The following SCFD2 variants were observed in gnomAD, a reference collection of about 807,000 sequenced individuals.
SCFD2 encodes sec1 family domain-containing protein 2.
SCFD2 carries 54 observed loss-of-function variants against 58.9 expected under a neutral mutation model. That is an observed-to-expected ratio of 0.92 (90% CI 0.74 to 1.15). The LOEUF (loss-of-function observed/expected upper bound fraction) is 1.15. Ranked by LOEUF, SCFD2 falls within the 50% of genes most tolerant of loss-of-function variation. The pLI, the probability that SCFD2 is intolerant of heterozygous loss-of-function variation, is 0.00. For missense variants in SCFD2, 805 were observed against 836.6 expected, an observed-to-expected ratio of 0.96 and a Z score of 0.47; for synonymous variants, 321 against 335.9, an observed-to-expected ratio of 0.96 and a Z score of 0.49.
At chr4:53,221,670 A>T (rs545301128) in intron 4 of SCFD2, among the ~76,000 whole-genome samples, 1 of 152,374 alleles carries the variant, frequency 6.6e-6, no homozygotes, top group South Asian at 2.1e-4. Flanking sequence ...ACCCATAAAA[A>T]TTTCAAATTA....
chr4:53,008,672 T>G (rs1722032325), intron 5 of SCFD2, among the ~76,000 whole-genome samples: 1 of 152,084 alleles, frequency 6.6e-6, no homozygotes, highest in South Asian at 2.1e-4. Context: ...TTCAAAATAA[T>G]GAAAGCTTTC....
At chr4:53,140,392 A>AAAATATATATATAGATATATATATATAT (rs369140110) in intron 5 of SCFD2, among the ~76,000 whole-genome samples, 1 of 97,496 alleles carries the variant, frequency 1.0e-5, no homozygotes, top group African/African-American at 4.2e-5. Context: ...CAAAAATGCT[A>AAAATATATATATAGATATATATATATAT]ATATATATAT....
intron 7 of SCFD2, among the ~76,000 whole-genome samples, chr4:52,894,525 T>A (rs1221568154): frequency 6.6e-6 from 1 of 152,254 alleles, no homozygotes; most frequent in African/African-American, 2.4e-5. Context: ...GGGTAAGGTA[T>A]GTCTTGATTT....
intron 4 of SCFD2, among the ~76,000 whole-genome samples, chr4:53,177,670 G>A (rs922734290): frequency 3.9e-5 from 6 of 152,166 alleles, no homozygotes; most frequent in African/African-American, 1.2e-4. Flanking sequence ...TAGGTGCAGG[G>A]CAGTGGGTGC....
rs191526033 is a variant in SCFD2, at chr4:52,971,447, G to A, written c.1562-50577C>T. Among the ~76,000 whole-genome samples, 442 of 152,246 alleles carry A rather than the reference G, an allele frequency of 2.9e-3. 9 individuals are homozygous for A. The South Asian group carries it at 0.041, about 14-fold the overall frequency. ...GAAAATCAAATGAATGAAATGAAGC[G>A]AGAAGAGAAGATTAGAGAAAAAAGA... On this transcript the variant is annotated intron_variant, in intron 5 of 8. Transcript: ENST00000401642.
intron 4 of SCFD2, among the ~76,000 whole-genome samples, chr4:53,181,710 C>G (rs936112304): frequency 6.6e-6 from 1 of 152,202 alleles, no homozygotes; most frequent in African/African-American, 2.4e-5. Flanking sequence ...AAGAGGAAGT[C>G]AAATTGTCCC....
intron 2 of SCFD2, among the ~76,000 whole-genome samples, chr4:53,335,211 A>AAAAAC (rs1733642355): frequency 1.4e-5 from 2 of 138,580 alleles, no homozygotes; most frequent in Admixed American, 7.4e-5. Flanking sequence ...AAAAAAAAAA[A>AAAAAC]AACAACAAAA....
At chr4:53,324,254 A>G (rs1214392649) in intron 2 of SCFD2, among the ~76,000 whole-genome samples, 1 of 151,798 alleles carries the variant, frequency 6.6e-6, no homozygotes. Context: ...CCATCTCTAC[A>G]AAAAAATTTA....
At chr4:53,291,185 T>C (rs760837671) in intron 3 of SCFD2, among the ~76,000 whole-genome samples, 4 of 152,048 alleles carry the variant, frequency 2.6e-5, no homozygotes, top group Non-Finnish European at 4.4e-5. Flanking sequence ...CACATTGATG[T>C]AAAAATCCTC....
rs917253949 is a variant in SCFD2, at chr4:52,970,032, G to A, written c.1562-49162C>T. On this transcript the variant is annotated intron_variant, in intron 5 of 8. Transcript: ENST00000401642. ...CAAGGAGTATAAAAGAAAACAATTG[G>A]GGCGTGGAGCCAAGATGGCTGAATA... is the stretch of plus-strand genomic sequence containing the variant. 2.6e-5 allele frequency among the ~76,000 whole-genome samples: 4 copies of A among 152,152 alleles called. 1 individual carries two copies. In the East Asian group the frequency reaches 7.7e-4, roughly 29 times the overall value.
At chr4:53,230,177 T>C (rs909133663) in intron 4 of SCFD2, among the ~76,000 whole-genome samples, 54 of 152,164 alleles carry the variant, frequency 3.5e-4, no homozygotes, top group African/African-American at 1.1e-3. Flanking sequence ...GTTGGTGGGA[T>C]TGTAAACTAG....
At chr4:53,181,683 G>C (rs926481116) in intron 4 of SCFD2, among the ~76,000 whole-genome samples, 5 of 152,258 alleles carry the variant, frequency 3.3e-5, no homozygotes, top group Non-Finnish European at 5.9e-5. Flanking sequence ...AGGAAATAAA[G>C]GGTATTCAAT....
chr4:53,147,805 C>CTA (rs1726378713), intron 4 of SCFD2, among the ~76,000 whole-genome samples: 1 of 152,202 alleles, frequency 6.6e-6, no homozygotes, highest in Non-Finnish European at 1.5e-5. Context: ...AAAAGAATCT[C>CTA]ATGATGTTTT....
intron 4 of SCFD2, among the ~76,000 whole-genome samples, chr4:53,188,927 G>A (rs1457526824): frequency 2.0e-5 from 3 of 151,976 alleles, no homozygotes; most frequent in Non-Finnish European, 4.4e-5. Flanking sequence ...TTTTATTTAG[G>A]GGACTCTCCC....
intron 7 of SCFD2, among the ~76,000 whole-genome samples, chr4:52,897,082 T>A (rs889642295): frequency 6.6e-6 from 1 of 152,210 alleles, no homozygotes; most frequent in Non-Finnish European, 1.5e-5. Context: ...TTTCTAGATA[T>A]ACAATCATGT....
intron 7 of SCFD2, among the ~76,000 whole-genome samples, chr4:52,893,732 A>G (rs1207742317): frequency 6.6e-6 from 1 of 152,348 alleles, no homozygotes; most frequent in East Asian, 1.9e-4. Context: ...AGGTTCAGTC[A>G]AAGCTGTGGC....
At chr4:52,964,891 A>G (rs576885650) in intron 5 of SCFD2, among the ~76,000 whole-genome samples, 1 of 152,286 alleles carries the variant, frequency 6.6e-6, no homozygotes, top group African/African-American at 2.4e-5. Context: ...AATTTAGACA[A>G]TGGTATCAGT....
At chr4:53,277,022 TTTTCTTA>T (rs1334767300) in intron 3 of SCFD2, among the ~76,000 whole-genome samples, 1 of 152,240 alleles carries the variant, frequency 6.6e-6, no homozygotes, top group Non-Finnish European at 1.5e-5. Flanking sequence ...AGGTTGTTTG[TTTTCTTA>T]TTACTGAGTT....
At chr4:53,235,782 C>T (rs1421629664) in intron 4 of SCFD2, among the ~76,000 whole-genome samples, 12 of 152,042 alleles carry the variant, frequency 7.9e-5, no homozygotes, top group Non-Finnish European at 1.0e-4. Flanking sequence ...TATGAGCATG[C>T]GTGTGTGTGC....
Sources: gnomAD v4.1 joint callset for allele counts (sites outside exome capture counted in the v4.1 genomes callset) on GRCh38, gnomAD v4.1.1 for gene constraint, MANE v1.5 for transcripts, NCBI Gene and HGNC (gene_info 2026-07-23, HGNC 2026-07-21) for gene names.